Variants in SNX14 observed in about 807,000 individuals in gnomAD.
SNX14 encodes sorting nexin-14.
In SNX14, 93 loss-of-function variants were observed where a neutral mutation model predicts 133.8. The ratio of observed to expected loss-of-function variants is 0.70; its 90% CI spans 0.59 to 0.83. The LOEUF (loss-of-function observed/expected upper bound fraction) is 0.83. Ranked by LOEUF, SNX14 falls within the 40% of genes least tolerant of loss-of-function variation. The pLI is 0.00. For missense variants in SNX14, 945 were observed against 1,094.9 expected (o/e 0.86, Z 1.93); for synonymous variants, 368 against 365.6 (o/e 1.01, Z -0.07).
intron 6 of SNX14, among the ~76,000 whole-genome samples, chr6:85,560,916 C>A (rs1791329486): frequency 6.6e-6 from 1 of 151,374 alleles, no homozygotes; most frequent in African/African-American, 2.4e-5. Context: ...CACCTGTAAT[C>A]CTAGCTACTC....
At chr6:85,507,390 G>T in intron 27 of SNX14, 101 bp from the exon 28 acceptor site, 1 of 891,132 alleles carries the variant, frequency 1.1e-6, no homozygotes, top group Non-Finnish European at 1.8e-6. Flanking sequence ...ACCTCTAAGT[G>T]GGAAGGCAGG....
At position 85,547,592 on chromosome 6, in the gene SNX14, C is replaced by T. The variant is rs951965154; in HGVS notation, c.868-42G>A. On this transcript the variant is annotated intron_variant, in intron 9 of 28. Transcript: ENST00000314673. ...AACATAAGTCAAAATAATTCCACTACTGTATTCTCCCCAGAATTCTCATAA... is the reference window on the plus strand; with the variant it reads ...AACATAAGTCAAAATAATTCCACTATTGTATTCTCCCCAGAATTCTCATAA... The T allele has an allele frequency of 5.6e-6, 8 of 1,432,978 alleles. No individual in the cohort carries two copies. In the African/African-American group the frequency reaches 7.2e-5, roughly 13 times the overall value. 88.8% of individuals were successfully genotyped at this position (1,432,978 alleles called of 1,614,324 possible). A position where few individuals can be genotyped will look rare whatever the true frequency, so the allele number is the denominator to read the frequency against.
chr6:85,589,461 A>T (rs1238449445), intron 1 of SNX14: 1 of 154,306 alleles, frequency 6.5e-6, no homozygotes, highest in Admixed American at 6.4e-5. Flanking sequence ...CAAGTGAGCC[A>T]TCCACCTTGG....
At chr6:85,591,307 C>A (rs1300483744) in intron 1 of SNX14, among the ~76,000 whole-genome samples, 4 of 151,796 alleles carry the variant, frequency 2.6e-5, no homozygotes, top group African/African-American at 9.7e-5. Flanking sequence ...CTACATACAC[C>A]ATCTGGCACC....
chr6:85,532,845 T>C (rs1442000117), intron 18 of SNX14, among the ~76,000 whole-genome samples: 1 of 152,234 alleles, frequency 6.6e-6, no homozygotes, highest in Admixed American at 6.5e-5. Flanking sequence ...AAAAAATATG[T>C]CAAAACATGA....
intron 4 of SNX14, among the ~76,000 whole-genome samples, chr6:85,571,458 C>T (rs898798226): frequency 5.9e-5 from 9 of 151,666 alleles, no homozygotes; most frequent in African/African-American, 1.7e-4. Context: ...AACAATTAAG[C>T]GGGATTCAGA....
intron 15 of SNX14, among the ~76,000 whole-genome samples, chr6:85,541,646 A>G (rs1310430209): frequency 1.3e-5 from 2 of 152,350 alleles, no homozygotes; most frequent in African/African-American, 4.8e-5. Flanking sequence ...ACTCTTAAAA[A>G]AAAGTTTTCT....
At chr6:85,544,817 G>A (rs1192143856) in intron 12 of SNX14, among the ~76,000 whole-genome samples, 1 of 152,182 alleles carries the variant, frequency 6.6e-6, no homozygotes, top group African/African-American at 2.4e-5. Context: ...TTTAAGAACT[G>A]TGAAAATGAT....
intron 6 of SNX14, among the ~76,000 whole-genome samples, chr6:85,559,215 G>C (rs892043332): frequency 4.6e-5 from 7 of 152,010 alleles, no homozygotes; most frequent in African/African-American, 1.7e-4. Context: ...AACATGTTCA[G>C]TAAGAGGCGA....
At chr6:85,508,513 GATAGCT>G in intron 26 of SNX14, 4 of 362,890 alleles carry the variant, frequency 1.1e-5, no homozygotes, top group Non-Finnish European at 1.5e-5. Flanking sequence ...GTGGGCAGAA[GATAGCT>G]TCTACTTTTT....
chr6:85,572,116 A>C, intron 4 of SNX14, 21 bp downstream of exon 4: 76 of 1,479,966 alleles, frequency 5.1e-5, no homozygotes, highest in Non-Finnish European at 6.5e-5. Context: ...TTCTGTTAAT[A>C]ATATTAATTA....
At chr6:85,567,004 C>A (rs1358923012) in intron 5 of SNX14, among the ~76,000 whole-genome samples, 1 of 152,096 alleles carries the variant, frequency 6.6e-6, no homozygotes, top group Non-Finnish European at 1.5e-5. Flanking sequence ...ACCATTAATT[C>A]TCCAGGAAAA....
chr6:85,531,429 G>A (rs74428395), intron 18 of SNX14, among the ~76,000 whole-genome samples: 297 of 152,260 alleles, frequency 2.0e-3, no homozygotes, highest in African/African-American at 7.0e-3. Context: ...CCATAGATTT[G>A]AGAATGCAGT....
intron 25 of SNX14, 31 bp downstream of exon 25, chr6:85,514,039 A>T (rs1773906989): frequency 6.3e-7 from 1 of 1,587,242 alleles, no homozygotes. Context: ...AGTACACAAA[A>T]TATGAAACAA....
chr6:85,563,647 C>T (rs1344001514), intron 6 of SNX14, among the ~76,000 whole-genome samples: 5 of 152,162 alleles, frequency 3.3e-5, no homozygotes, highest in Admixed American at 6.5e-5. Flanking sequence ...CCCACCTAGG[C>T]CTCCCAAAGT....
chr6:85,568,124 CTTA>C (rs1180104306), intron 4 of SNX14: 1 of 152,054 alleles, frequency 6.6e-6, no homozygotes, highest in Non-Finnish European at 1.5e-5. Flanking sequence ...AATAGAAAAA[CTTA>C]TTATTAGAAT....
chr6:85,545,935 G>A (rs1785341150), intron 12 of SNX14, among the ~76,000 whole-genome samples: 1 of 152,182 alleles, frequency 6.6e-6, no homozygotes, highest in Non-Finnish European at 1.5e-5. Context: ...CACCTGCCTC[G>A]GCCTCCCGAA....
chr6:85,537,756 C>T (rs1782394534), intron 16 of SNX14, among the ~76,000 whole-genome samples: 1 of 152,166 alleles, frequency 6.6e-6, no homozygotes, highest in Non-Finnish European at 1.5e-5. Flanking sequence ...CGAGACCAGC[C>T]TGGCCAACAT....
chr6:85,535,580 G>A (rs1049289078), intron 17 of SNX14, among the ~76,000 whole-genome samples: 2 of 139,156 alleles, frequency 1.4e-5, no homozygotes, highest in African/African-American at 5.5e-5. Context: ...ACTCCAGCCT[G>A]GGTGACAGAG....
Sources: gnomAD v4.1 joint callset for allele counts (sites outside exome capture counted in the v4.1 genomes callset) on GRCh38, gnomAD v4.1.1 for gene constraint, MANE v1.5 for transcripts, NCBI Gene and HGNC (gene_info 2026-07-23, HGNC 2026-07-21) for gene names.